DCDC1: variants seen among roughly 807,000 people sequenced by gnomAD.
DCDC1 encodes doublecortin domain-containing protein 1.
A neutral mutation model predicts 178.3 loss-of-function variants in DCDC1; 200 were observed. That is an observed-to-expected ratio of 1.12 (90% CI 1.00 to 1.26). DCDC1 has a LOEUF of 1.26. Ranked by LOEUF, DCDC1 falls within the 50% of genes most tolerant of loss-of-function variation. The pLI, the probability that DCDC1 is intolerant of heterozygous loss-of-function variation, is 0.00. For synonymous variants in DCDC1, 690 were observed against 604.8 expected (o/e 1.14, Z -2.07); for missense variants, 1,983 against 1,749.2 (o/e 1.13, Z -2.38).
intron 20 of DCDC1, among the ~76,000 whole-genome samples, chr11:30,975,236 G>T (rs1021253021): frequency 6.6e-6 from 1 of 151,724 alleles, no homozygotes; most frequent in Admixed American, 6.6e-5. Flanking sequence ...CATAATAAAG[G>T]CAACATATGA....
At chr11:30,866,716 T>C (rs1011645810) in intron 38 of DCDC1, among the ~76,000 whole-genome samples, 1 of 151,972 alleles carries the variant, frequency 6.6e-6, no homozygotes, top group Non-Finnish European at 1.5e-5. Flanking sequence ...ACAACACACT[T>C]TTGTTGTTTA....
intron 18 of DCDC1, among the ~76,000 whole-genome samples, chr11:31,066,656 G>C (rs1312544103): frequency 6.6e-6 from 1 of 152,170 alleles, no homozygotes; most frequent in African/African-American, 2.4e-5. Flanking sequence ...CTAAACATAA[G>C]AGTCGATCTG....
In DCDC1 at chr11:31,290,183, T is replaced by C. The variant is rs535266495; in HGVS notation, c.960+464A>G. On this transcript the variant is annotated intron_variant, in intron 7 of 38. Transcript: ENST00000684477. ...TTAGATATGTTTTTAAAAACTTATA[T>C]GAATACTTTGAAACTGCATTTTAGT... is the stretch of plus-strand genomic sequence containing the variant. 2.0e-5 allele frequency among the ~76,000 whole-genome samples: 3 copies of C among 152,148 alleles called. No individual in the cohort carries two copies. The South Asian group carries it at 6.2e-4, about 32-fold the overall frequency.
At chr11:31,201,007 A>G (rs1971231848) in intron 9 of DCDC1, among the ~76,000 whole-genome samples, 5 of 151,844 alleles carry the variant, frequency 3.3e-5, no homozygotes, top group Admixed American at 2.6e-4. Flanking sequence ...CTTCCTACTT[A>G]TCCTCTCTTT....
At chr11:31,051,262 C>A (rs1565223056) in intron 20 of DCDC1, among the ~76,000 whole-genome samples, 1 of 152,084 alleles carries the variant, frequency 6.6e-6, no homozygotes, top group Non-Finnish European at 1.5e-5. Context: ...AATTAACAAT[C>A]CAACAAAGAC....
At chr11:30,917,069 A>G (rs1251586498) in intron 25 of DCDC1, 41 bp from the exon 26 acceptor site, 16 of 1,524,162 alleles carry the variant, frequency 1.0e-5, no homozygotes, top group Non-Finnish European at 1.4e-5. Flanking sequence ...AAGAAATCTC[A>G]TTCGTGTTCA....
chr11:31,022,327 A>G (rs1952927249), intron 20 of DCDC1, among the ~76,000 whole-genome samples: 1 of 152,114 alleles, frequency 6.6e-6, no homozygotes, highest in Admixed American at 6.6e-5. Context: ...GACAGATAGT[A>G]TGTTCCCTTT....
chr11:31,032,596 T>G (rs1029056530), intron 20 of DCDC1, among the ~76,000 whole-genome samples: 10 of 151,634 alleles, frequency 6.6e-5, no homozygotes, highest in Non-Finnish European at 4.4e-5. Flanking sequence ...AATGAGACAG[T>G]GTAAATGAAA....
intron 9 of DCDC1, among the ~76,000 whole-genome samples, chr11:31,213,194 C>T (rs1972996857): frequency 7.3e-6 from 1 of 137,824 alleles, no homozygotes; most frequent in Non-Finnish European, 1.5e-5. Flanking sequence ...GTTTGCTGTC[C>T]TCCAAGAAAG....
chr11:31,045,203 C>A (rs1205065464), intron 20 of DCDC1, among the ~76,000 whole-genome samples: 2 of 152,134 alleles, frequency 1.3e-5, no homozygotes, highest in African/African-American at 4.8e-5. Flanking sequence ...CATATGCACA[C>A]ACCTTTTCCT....
intron 10 of DCDC1, among the ~76,000 whole-genome samples, chr11:31,133,156 A>G (rs543718509): frequency 6.6e-6 from 1 of 152,350 alleles, no homozygotes; most frequent in East Asian, 1.9e-4. Context: ...ATTGGCTATT[A>G]TTAATGACTC....
chr11:30,946,999 A>G (rs1003843673), intron 21 of DCDC1, among the ~76,000 whole-genome samples: 1 of 152,194 alleles, frequency 6.6e-6, no homozygotes, highest in African/African-American at 2.4e-5. Context: ...TAAACCATAA[A>G]TAATACTTTT....
chr11:31,302,668 G>A (rs1050892877), intron 6 of DCDC1, among the ~76,000 whole-genome samples: 6 of 152,100 alleles, frequency 3.9e-5, no homozygotes, highest in Non-Finnish European at 8.8e-5. Context: ...CCTGACCTCC[G>A]TATGAAAGCT....
At position 31,055,298 on chromosome 11, in the gene DCDC1, C is replaced by T. The variant is rs555157063; in HGVS notation, c.2591+9171G>A. Among the ~76,000 whole-genome samples, 393 of 152,288 alleles carry T rather than the reference C, an allele frequency of 2.6e-3. 1 individual carries two copies. The highest frequency in any genetic ancestry group is 9.0e-3 in the African/African-American group (373 of 41,566). The stretch of plus-strand genomic sequence containing the variant: ...ACCACAATGCAATACCACCTTACTC[C>T]TGCAAGAATGGCCATAATAAAAAAA... On this transcript the variant is annotated intron_variant, in intron 20 of 38. Transcript: ENST00000684477.
chr11:30,923,417 T>TTTG (rs1946381457), intron 23 of DCDC1, among the ~76,000 whole-genome samples: 1 of 148,464 alleles, frequency 6.7e-6, no homozygotes, highest in Non-Finnish European at 1.5e-5. Flanking sequence ...TTTTTTTTTT[T>TTTG]GCTTATATGT....
At chr11:30,996,559 G>A (rs569502699) in intron 20 of DCDC1, among the ~76,000 whole-genome samples, 20 of 152,248 alleles carry the variant, frequency 1.3e-4, no homozygotes, top group African/African-American at 4.1e-4. Context: ...ATAAAAGGGC[G>A]TGACAAAGGG....
At chr11:31,098,863 C>G (rs73459252) in intron 15 of DCDC1, among the ~76,000 whole-genome samples, 6,969 of 152,174 alleles carry the variant, frequency 0.046, 501 homozygotes, top group African/African-American at 0.15. Context: ...TCTTTACTAG[C>G]CAGTTTATCA....
At chr11:31,212,309 A>T (rs549988108) in intron 9 of DCDC1, among the ~76,000 whole-genome samples, 9 of 152,216 alleles carry the variant, frequency 5.9e-5, no homozygotes, top group African/African-American at 1.9e-4. Flanking sequence ...GATTAAAAAA[A>T]ACAAGAAACT....
At chr11:30,961,913 A>G (rs1187885157) in intron 20 of DCDC1, among the ~76,000 whole-genome samples, 1 of 151,980 alleles carries the variant, frequency 6.6e-6, no homozygotes, top group African/African-American at 2.4e-5. Flanking sequence ...AATCACTCCA[A>G]ATTTGGAACT....
Sources: gnomAD v4.1 joint callset for allele counts (sites outside exome capture counted in the v4.1 genomes callset) on GRCh38, gnomAD v4.1.1 for gene constraint, MANE v1.5 for transcripts, NCBI Gene and HGNC (gene_info 2026-07-23, HGNC 2026-07-21) for gene names.